RBFOX1: variants seen among roughly 807,000 people sequenced by gnomAD.
RBFOX1 encodes RNA binding protein fox-1 homolog 1.
A neutral mutation model predicts 57.7 loss-of-function variants in RBFOX1; 8 were observed. The observed-to-expected ratio is 0.14, with a 90% CI of 0.08 to 0.25. The LOEUF is 0.25. RBFOX1 is among the 10% of genes least tolerant of loss of function. The pLI, the probability that RBFOX1 is intolerant of heterozygous loss-of-function variation, is 1.00. For missense variants in RBFOX1, 611 were observed against 548.5 expected, an observed-to-expected ratio of 1.11 and a Z score of -1.14; for synonymous variants, 326 against 222.4, an observed-to-expected ratio of 1.47 and a Z score of -4.15.
intron 2 of RBFOX1, among the ~76,000 whole-genome samples, chr16:6,548,662 C>T (rs2096928315): frequency 6.6e-6 from 1 of 152,164 alleles, no homozygotes; most frequent in South Asian, 2.1e-4. Context: ...ACGGGGTAGA[C>T]TTCAGGCGCG....
chr16:6,446,415 C>T (rs980738012), intron 2 of RBFOX1, among the ~76,000 whole-genome samples: 18 of 152,120 alleles, frequency 1.2e-4, no homozygotes, highest in South Asian at 6.2e-4. Flanking sequence ...TCATTGTTTT[C>T]GGAAAAATAT....
chr16:7,352,292 G>T (rs1416563428), intron 4 of RBFOX1, among the ~76,000 whole-genome samples: 1 of 152,114 alleles, frequency 6.6e-6, no homozygotes, highest in Admixed American at 6.5e-5. Context: ...CTTTAAACAG[G>T]GCAGAAACAA....
intron 2 of RBFOX1, among the ~76,000 whole-genome samples, chr16:6,336,350 C>A (rs1232293594): frequency 2.7e-5 from 4 of 150,768 alleles, no homozygotes; most frequent in Non-Finnish European, 3.0e-5. Flanking sequence ...CGCCCGCCAC[C>A]ACGCCTGGCT....
chr16:5,834,419 A>G (rs2056383374), intron 3 of RBFOX1, among the ~76,000 whole-genome samples: 1 of 152,210 alleles, frequency 6.6e-6, no homozygotes, highest in Admixed American at 6.5e-5. Context: ...AAGTTGATGC[A>G]AAAGATAGTA....
At chr16:5,501,246 A>T (rs2043183660) in intron 2 of RBFOX1, among the ~76,000 whole-genome samples, 1 of 132,982 alleles carries the variant, frequency 7.5e-6, no homozygotes, top group Admixed American at 8.8e-5. Context: ...TGAACTCGGG[A>T]GGCGGAGGTT....
At chr16:6,868,224 G>C (rs1286804734) in intron 3 of RBFOX1, among the ~76,000 whole-genome samples, 1 of 152,052 alleles carries the variant, frequency 6.6e-6, no homozygotes, top group East Asian at 1.9e-4. Context: ...TTAATTTATA[G>C]AAACAGAAAT....
chr16:6,573,028 C>G (rs996511341), intron 2 of RBFOX1, among the ~76,000 whole-genome samples: 2 of 152,134 alleles, frequency 1.3e-5, no homozygotes, highest in African/African-American at 4.8e-5. Flanking sequence ...GAGATCAAGT[C>G]AACACTCAAT....
intron 3 of RBFOX1, among the ~76,000 whole-genome samples, chr16:5,635,644 T>G (rs1284347518): frequency 1.6e-5 from 2 of 125,524 alleles, no homozygotes; most frequent in African/African-American, 9.3e-5. Flanking sequence ...TGCATGCAAT[T>G]TGCATTTCCC....
intron 3 of RBFOX1, among the ~76,000 whole-genome samples, chr16:6,840,968 A>C (rs1337299095): frequency 6.6e-6 from 1 of 152,036 alleles, no homozygotes; most frequent in Non-Finnish European, 1.5e-5. Flanking sequence ...AAGGGTATCT[A>C]CCAGGAGGTG....
At chr16:7,041,393 A>G (rs1412844505) in intron 3 of RBFOX1, among the ~76,000 whole-genome samples, 1 of 152,092 alleles carries the variant, frequency 6.6e-6, no homozygotes, top group East Asian at 1.9e-4. Context: ...CTCTTAGGAG[A>G]AAAAGTTTTT....
chr16:6,934,015 G>T (rs1051568363), intron 3 of RBFOX1, among the ~76,000 whole-genome samples: 1 of 152,196 alleles, frequency 6.6e-6, no homozygotes. Flanking sequence ...GGGTCAGGGA[G>T]GGGACACGAT....
intron 4 of RBFOX1, among the ~76,000 whole-genome samples, chr16:5,900,525 T>C (rs1044801404): frequency 6.6e-6 from 1 of 152,130 alleles, no homozygotes; most frequent in Admixed American, 6.5e-5. Context: ...AGAGTAGAAA[T>C]CCACCAGGAG....
At chr16:6,125,158 A>G (rs1337693072) in intron 1 of RBFOX1, among the ~76,000 whole-genome samples, 2 of 152,192 alleles carry the variant, frequency 1.3e-5, no homozygotes, top group Non-Finnish European at 2.9e-5. Context: ...GACATTGTGC[A>G]GCTCCCTGTG....
intron 5 of RBFOX1, among the ~76,000 whole-genome samples, chr16:7,552,268 C>G (rs1046405704): frequency 7.2e-5 from 11 of 152,182 alleles, no homozygotes; most frequent in Admixed American, 2.0e-4. Flanking sequence ...ATTTCCATGT[C>G]TATGAGAGCT....
chr16:6,681,997 G>T (rs1208524289), intron 3 of RBFOX1, among the ~76,000 whole-genome samples: 1 of 152,110 alleles, frequency 6.6e-6, no homozygotes, highest in Non-Finnish European at 1.5e-5. Flanking sequence ...AAATCTTGAA[G>T]TTATCTCAGA....
chr16:6,966,904 C>T (rs1028733312), intron 3 of RBFOX1, among the ~76,000 whole-genome samples: 5 of 144,324 alleles, frequency 3.5e-5, no homozygotes, highest in African/African-American at 1.0e-4. Flanking sequence ...TCCATCCATC[C>T]ATCCATCCAT....
At chr16:7,567,692 TATCCCTATATATA>T (rs2092214380) in intron 5 of RBFOX1, among the ~76,000 whole-genome samples, 1 of 142,168 alleles carries the variant, frequency 7.0e-6, no homozygotes, top group South Asian at 2.2e-4. Context: ...TATAGATATA[TATCCCTATATATA>T]ATCCCTATAT....
At chr16:5,473,791 A>G (rs2069222681) in intron 2 of RBFOX1, among the ~76,000 whole-genome samples, 1 of 143,760 alleles carries the variant, frequency 7.0e-6, no homozygotes, top group Middle Eastern at 4.0e-3. Flanking sequence ...GGATAGATGA[A>G]TTGAAAGAGG....
downstream of RBFOX1, among the ~76,000 whole-genome samples, chr16:5,601,980 G>A (rs1289443939): frequency 1.3e-5 from 2 of 152,180 alleles, no homozygotes; most frequent in African/African-American, 4.8e-5. Context: ...GTATCCTGCT[G>A]GTTTCTCCTC....
Sources: gnomAD v4.1 joint callset for allele counts (sites outside exome capture counted in the v4.1 genomes callset) on GRCh38, gnomAD v4.1.1 for gene constraint, MANE v1.5 for transcripts, NCBI Gene and HGNC (gene_info 2026-07-23, HGNC 2026-07-21) for gene names.